The following BMP7 variants were observed in gnomAD, a reference collection of about 807,000 sequenced individuals.
BMP7 encodes the protein bone morphogenetic protein 7, also known as osteogenic protein 1.
In BMP7, 12 loss-of-function variants were observed where a neutral mutation model predicts 41.2. The ratio of observed to expected loss-of-function variants is 0.29; its 90% CI spans 0.19 to 0.47. The LOEUF is 0.47. BMP7 is among the 20% of genes least tolerant of loss of function. BMP7 has a pLI of 0.99. For synonymous variants in BMP7, 248 were observed against 250.0 expected (o/e 0.99, Z 0.07); for missense variants, 467 against 606.0 (o/e 0.77, Z 2.41).
intron 3 of BMP7, among the ~76,000 whole-genome samples, chr20:57,195,492 G>A (rs547544908): frequency 2.6e-5 from 4 of 152,282 alleles, no homozygotes; most frequent in East Asian, 1.9e-4. Flanking sequence ...ACCGATCCCC[G>A]CCACTGGGTC....
intron 4 of BMP7, among the ~76,000 whole-genome samples, chr20:57,179,041 G>T (rs1162964199): frequency 6.6e-6 from 1 of 152,180 alleles, no homozygotes; most frequent in Non-Finnish European, 1.5e-5. Context: ...AACAGACCAA[G>T]GCCGAGCACA....
At chr20:57,222,830 CTCCAGAGGCTTCTGGAAGCT>C in intron 2 of BMP7, among the ~76,000 whole-genome samples, 1 of 104,116 alleles carries the variant, frequency 9.6e-6, no homozygotes, top group East Asian at 2.2e-4. Context: ...CAGCAAGAAA[CTCCAGAGGCTTCTGGAAGCT>C]TCCAGAAGCT....
Position 57,170,413 on chromosome 20 carries a change from C to T in BMP7, c.*546G>A, listed in dbSNP as rs1983788263. On this transcript the variant is annotated 3_prime_UTR_variant, in exon 7 of 7. Transcript: ENST00000395863. ...AGGGACCTCCCCGCCCTCCACTTGA[C>T]ACAGCTTCTGTTTACGCATCAGGAT... 2 of 196,740 alleles carry T rather than the reference C, an allele frequency of 1.0e-5. No homozygotes were observed. Among genetic ancestry groups the T allele is most frequent in the Non-Finnish European group, 1.1e-5 (1 of 94,428 alleles). The allele number at this position is 196,740 out of a possible 1,614,324, so 12.2% of individuals were successfully genotyped here. A position where few individuals can be genotyped will look rare whatever the true frequency, so the allele number is the denominator to read the frequency against.
At chr20:57,185,074 G>A (rs533276898) in intron 3 of BMP7, among the ~76,000 whole-genome samples, 3 of 152,282 alleles carry the variant, frequency 2.0e-5, no homozygotes, top group African/African-American at 4.8e-5. Flanking sequence ...CTGGAGAGCC[G>A]ATGGCAGGGG....
intron 2 of BMP7, 65 bp from the exon 3 acceptor site, chr20:57,202,688 G>A (rs1045643392): frequency 1.0e-6 from 1 of 965,082 alleles, no homozygotes; most frequent in South Asian, 1.3e-5. Context: ...TACCCCAACA[G>A]ATGGGAAGCA....
At chr20:57,227,367 T>C (rs2066011359) in intron 2 of BMP7, among the ~76,000 whole-genome samples, 1 of 152,130 alleles carries the variant, frequency 6.6e-6, no homozygotes, top group Non-Finnish European at 1.5e-5. Context: ...GTTTTCTTGG[T>C]ACTTAGATGA....
intron 2 of BMP7, among the ~76,000 whole-genome samples, chr20:57,207,554 G>A (rs1984759844): frequency 6.6e-6 from 1 of 152,186 alleles, no homozygotes; most frequent in Admixed American, 6.5e-5. Context: ...TAACCATCCA[G>A]TGAGAGGGAC....
rs753342431 is a variant in BMP7, at chr20:57,261,188, C to T, written c.418+4517G>A. Reference sequence around the variant, plus strand: ...GATCGCGCACCAGCTGTGTTTATCTCGGCAAAGGCTTGAGAGCCTACTACG... The same window carrying T: ...GATCGCGCACCAGCTGTGTTTATCTTGGCAAAGGCTTGAGAGCCTACTACG... On this transcript the variant is annotated intron_variant, in intron 1 of 6. Transcript: ENST00000395863. This position sits in a 1 kb window ranked among gnomAD's most constrained non-coding sequence, Gnocchi z 4.1. 4.6e-5 allele frequency among the ~76,000 whole-genome samples: 7 copies of T among 152,282 alleles called. No homozygotes were observed. Among genetic ancestry groups the T allele is most frequent in the African/African-American group, 7.2e-5 (3 of 41,540 alleles).
intron 3 of BMP7, among the ~76,000 whole-genome samples, chr20:57,190,581 C>T (rs748367855): frequency 6.6e-6 from 1 of 151,990 alleles, no homozygotes; most frequent in Non-Finnish European, 1.5e-5. Flanking sequence ...CAGGGGGCGA[C>T]GTGGCCAGGG....
At chr20:57,212,724 C>G (rs1984923135) in intron 2 of BMP7, among the ~76,000 whole-genome samples, 1 of 152,208 alleles carries the variant, frequency 6.6e-6, no homozygotes, top group African/African-American at 2.4e-5. Context: ...CGCCGTGCAC[C>G]TGGAGTCAGC....
intron 2 of BMP7, among the ~76,000 whole-genome samples, chr20:57,221,661 ACTAG>A (rs980398273): frequency 2.0e-5 from 3 of 152,068 alleles, no homozygotes; most frequent in African/African-American, 7.2e-5. Context: ...AAAGTAAAAA[ACTAG>A]CCAGACATAG....
Position 57,245,137 on chromosome 20 carries a change from G to A in BMP7, c.419-16716C>T, listed in dbSNP as rs116384319. The stretch of plus-strand genomic sequence containing the variant: ...GAAGGTGCAGAGACGTACAAAAGCC[G>A]CCCCAGGGGCTGATGGGGCAGATTT... On this transcript the variant is annotated intron_variant, in intron 1 of 6. Coordinates refer to ENST00000395863, the MANE Select transcript of BMP7 (RefSeq NM_001719.3). Among the ~76,000 whole-genome samples, 586 of 152,234 alleles carry A rather than the reference G, an allele frequency of 3.8e-3. 6 individuals are homozygous for A. The highest frequency in any genetic ancestry group is 0.014 in the African/African-American group (567 of 41,536).
At chr20:57,252,335 C>T (rs1226722550) in intron 1 of BMP7, among the ~76,000 whole-genome samples, 2 of 152,200 alleles carry the variant, frequency 1.3e-5, no homozygotes, top group African/African-American at 4.8e-5. Flanking sequence ...GGGTCTGAAG[C>T]AAGCAGGTCT....
intron 1 of BMP7, among the ~76,000 whole-genome samples, chr20:57,262,724 G>GC (rs113487639): frequency 0.023 from 3,432 of 151,406 alleles, 29 homozygotes; most frequent in African/African-American, 0.026. Context: ...CCTCACCCAT[G>GC]CCCCCCCCGC....
At chr20:57,173,539 C>T in intron 5 of BMP7, 1 of 611,672 alleles carries the variant, frequency 1.6e-6, no homozygotes, top group Admixed American at 2.6e-5. Flanking sequence ...GCCTATAGTC[C>T]AAGCTTAGTA....
intron 1 of BMP7, among the ~76,000 whole-genome samples, chr20:57,230,065 T>C (rs927580076): frequency 6.6e-6 from 1 of 152,106 alleles, no homozygotes. Flanking sequence ...CTCGGGAAGA[T>C]GACCTTTGAA....
rs148596446 is a variant in BMP7, at chr20:57,200,678, C to T, written c.760+1797G>A. 4.2e-4 allele frequency among the ~76,000 whole-genome samples: 64 copies of T among 152,302 alleles called. 1 individual carries two copies. The East Asian group carries it at 0.012, about 28-fold the overall frequency. The stretch of plus-strand genomic sequence containing the variant: ...CGGTGTGGTGGCGGGCGCCTGTAGT[C>T]CCAGCTACTCAAGCGCTGAAGCAGG... On this transcript the variant is annotated intron_variant, in intron 3 of 6. Coordinates refer to ENST00000395863, the MANE Select transcript of BMP7 (RefSeq NM_001719.3).
At chr20:57,179,971 C>T (rs1984036978) in intron 4 of BMP7, among the ~76,000 whole-genome samples, 1 of 152,040 alleles carries the variant, frequency 6.6e-6, no homozygotes, top group Admixed American at 6.5e-5. Context: ...GAATTCTAAG[C>T]CCGCGATGCC....
At chr20:57,197,673 A>G (rs901257675) in intron 3 of BMP7, among the ~76,000 whole-genome samples, 2 of 152,258 alleles carry the variant, frequency 1.3e-5, no homozygotes, top group Non-Finnish European at 2.9e-5. Context: ...TAAATCAACA[A>G]TTAGAACTTC....
Sources: gnomAD v4.1 joint callset for allele counts (sites outside exome capture counted in the v4.1 genomes callset) on GRCh38, gnomAD v4.1.1 for gene constraint, Gnocchi (gnomAD v3.1) non-coding constraint, MANE v1.5 for transcripts, NCBI Gene and HGNC (gene_info 2026-07-23, HGNC 2026-07-21) for gene names.